The following OVCH1 variants were observed in gnomAD, a reference collection of about 807,000 sequenced individuals.
OVCH1 encodes the protein ovochymase 1, also known as ovochymase-1.
Under a neutral mutation model 138.4 loss-of-function variants are expected in OVCH1, and 139 were observed. The observed-to-expected ratio is 1.00, with a 90% CI of 0.87 to 1.16. The LOEUF (loss-of-function observed/expected upper bound fraction) is 1.16. OVCH1 is among the 50% of genes most tolerant of loss of function. The pLI, the probability that OVCH1 is intolerant of heterozygous loss-of-function variation, is 0.00. For missense variants in OVCH1, 1,367 were observed against 1,357.9 expected (o/e 1.01, Z -0.11); for synonymous variants, 453 against 467.8 (o/e 0.97, Z 0.41).
exon 3 of OVCH1, chr12:29,496,228 T>C (rs371722043): frequency 7.5e-6 from 12 of 1,609,706 alleles, no homozygotes; most frequent in South Asian, 1.1e-5. Flanking sequence ...CCCGATCTTC[T>C]TGAATCAAGC....
At chr12:29,446,255 G>C (rs1234658061) in intron 22 of OVCH1, among the ~76,000 whole-genome samples, 1 of 152,018 alleles carries the variant, frequency 6.6e-6, no homozygotes, top group African/African-American at 2.4e-5. Context: ...ACAAATACTT[G>C]TAGGGATGAA....
Position 29,477,178 on chromosome 12 carries a change from G to A in OVCH1, c.1301C>T (p.Ala434Val), listed in dbSNP as rs1942767975. Residue 434 changes from alanine (A) to valine (V), a missense_variant, in exon 12 of 28, where the codon GCC becomes GTC. Coordinates refer to ENST00000318184, the Ensembl canonical transcript of OVCH1. Reference sequence around the variant, plus strand: ...ACTGGGATACAAATCAGGATACTTGGCAGAGTGATTTGTCCCTTCTTCTAC... The same window carrying A: ...ACTGGGATACAAATCAGGATACTTGACAGAGTGATTTGTCCCTTCTTCTAC... 2.5e-6 allele frequency: 4 copies of A among 1,613,716 alleles called. No individual in the cohort carries two copies. In the South Asian group the frequency reaches 3.3e-5, roughly 13 times the overall value.
chr12:29,459,913 C>G (rs1334043367), intron 19 of OVCH1, among the ~76,000 whole-genome samples: 1 of 152,174 alleles, frequency 6.6e-6, no homozygotes, highest in Non-Finnish European at 1.5e-5. Context: ...GATGAGAAAG[C>G]ACATTATCAG....
At chr12:29,403,253 CTT>C in the OVCH1 span, among the ~76,000 whole-genome samples, 2 of 152,086 alleles carry the variant, frequency 1.3e-5, no homozygotes, top group East Asian at 3.8e-4. Flanking sequence ...ATAATTCAAA[CTT>C]TTATAATTTA....
intron 19 of OVCH1, among the ~76,000 whole-genome samples, chr12:29,460,363 A>ACATTAATTC (rs1942088804): frequency 1.3e-5 from 2 of 152,216 alleles, no homozygotes; most frequent in Admixed American, 6.5e-5. Context: ...GACTGAGGGG[A>ACATTAATTC]AGAATGAACA....
At chr12:29,414,269 A>G (rs2135874235) in intron 3 of OVCH1, among the ~76,000 whole-genome samples, 1 of 151,234 alleles carries the variant, frequency 6.6e-6, no homozygotes, top group Non-Finnish European at 1.5e-5. Context: ...CAGGTGATCC[A>G]CCCCCCTCAG....
chr12:29,418,685 G>C (rs11614744), intron 3 of OVCH1, among the ~76,000 whole-genome samples: 26,253 of 152,102 alleles, frequency 0.17, 2,533 homozygotes, highest in African/African-American at 0.27. Flanking sequence ...TGAGTATAGA[G>C]AGGTTTCACT....
At position 29,473,901 on chromosome 12, in the gene OVCH1, C is replaced by G. The variant is rs530931379; in HGVS notation, c.1601-798G>C. On this transcript the variant is annotated intron_variant, in intron 14 of 27. Transcript: ENST00000318184. ...AACATGTAAACAGAGATGGGCCTAG[C>G]CTCCCAGCCTACATCTTTCTTCCAT... Among the ~76,000 whole-genome samples, 165 of 152,194 alleles carry G rather than the reference C, an allele frequency of 1.1e-3. 1 individual carries two copies. Among genetic ancestry groups the G allele is most frequent in the African/African-American group, 3.9e-3 (162 of 41,548 alleles).
chr12:29,446,798 T>C (rs1592048384), intron 22 of OVCH1, among the ~76,000 whole-genome samples: 1 of 152,078 alleles, frequency 6.6e-6, no homozygotes, highest in East Asian at 1.9e-4. Context: ...TGAGAAAATA[T>C]ATTTCAGCAT....
chr12:29,441,029 T>A (rs1392040650), intron 25 of OVCH1, among the ~76,000 whole-genome samples: 1 of 152,238 alleles, frequency 6.6e-6, no homozygotes, highest in Admixed American at 6.5e-5. Context: ...GGTGGGGTGT[T>A]TCCTCTCACA....
intron 3 of OVCH1, among the ~76,000 whole-genome samples, chr12:29,415,955 CA>C (rs557792386): frequency 4.1e-5 from 6 of 147,504 alleles, no homozygotes; most frequent in Admixed American, 6.8e-5. Context: ...CATAGCTCAA[CA>C]AAAAAAAAGA....
At chr12:29,468,489 T>C (rs1942393073) in intron 16 of OVCH1, among the ~76,000 whole-genome samples, 1 of 152,154 alleles carries the variant, frequency 6.6e-6, no homozygotes, top group South Asian at 2.1e-4. Context: ...TCATGGCTCA[T>C]CACATAAATT....
intron 4 of OVCH1, 23 bp downstream of exon 4, chr12:29,495,254 CATTTTTAA>C (rs1943381934): frequency 6.3e-7 from 1 of 1,579,332 alleles, no homozygotes; most frequent in Non-Finnish European, 8.6e-7. Flanking sequence ...TCCTCCACTG[CATTTTTAA>C]TATTCTAACT....
exon 4 of OVCH1, chr12:29,495,289 C>G (rs1943382650): frequency 6.2e-7 from 1 of 1,608,564 alleles, no homozygotes; most frequent in South Asian, 1.1e-5. Context: ...ACTCACCAAA[C>G]TTGACTTTGT....
rs375595963 is a variant in OVCH1, at chr12:29,496,100, AC to A, written c.281+80del. 6.4e-4 allele frequency: 811 copies of A among 1,271,416 alleles called. 5 individuals carry two copies. The African/African-American group carries it at 0.011, about 17-fold the overall frequency. 78.8% of individuals were successfully genotyped at this position (1,271,416 alleles called of 1,614,324 possible). A position where few individuals can be genotyped will look rare whatever the true frequency, so the allele number is the denominator to read the frequency against. On this transcript the variant is annotated intron_variant, in intron 3 of 27. Coordinates refer to ENST00000318184, the Ensembl canonical transcript of OVCH1. ...AAAGTAAGAAAGGGACTGAGAATGA[AC>A]CTGCTATTTAGAGCAACAAATCTGC...
intron 16 of OVCH1, among the ~76,000 whole-genome samples, chr12:29,467,569 A>G (rs1290742870): frequency 6.6e-6 from 1 of 152,146 alleles, no homozygotes; most frequent in African/African-American, 2.4e-5. Flanking sequence ...ACTTATTGCT[A>G]TGGAAGAAGA....
At chr12:29,444,337 T>C in intron 23 of OVCH1, 57 bp from the exon 24 acceptor site, 2 of 1,522,548 alleles carry the variant, frequency 1.3e-6, no homozygotes, top group Non-Finnish European at 9.0e-7. Context: ...ACAGGCTTCC[T>C]ATATGCCTTT....
At chr12:29,433,146 T>C (rs971887649) in intron 27 of OVCH1, among the ~76,000 whole-genome samples, 2 of 152,180 alleles carry the variant, frequency 1.3e-5, no homozygotes, top group African/African-American at 4.8e-5. Context: ...TGTTGCACAC[T>C]GTATTTTTTT....
At chr12:29,481,310 T>C (rs1475725298) in intron 8 of OVCH1, among the ~76,000 whole-genome samples, 1 of 152,168 alleles carries the variant, frequency 6.6e-6, no homozygotes, top group African/African-American at 2.4e-5. Context: ...TGTTTTCTCC[T>C]ATTGAAGCAG....
Sources: allele counts gnomAD v4.1 joint callset (sites outside exome capture counted in the v4.1 genomes callset), GRCh38; gene constraint gnomAD v4.1.1; transcripts MANE v1.5; gene names NCBI Gene and HGNC (gene_info 2026-07-23, HGNC 2026-07-21).